The following LIMCH1 variants were observed in gnomAD, a reference collection of about 807,000 sequenced individuals.
LIMCH1 encodes LIM and calponin homology domains-containing protein 1.
In LIMCH1, 113 loss-of-function variants were observed where a neutral mutation model predicts 176.5. That is an observed-to-expected ratio of 0.64 (90% CI 0.55 to 0.75). The LOEUF (loss-of-function observed/expected upper bound fraction) is 0.75. Among genes scored for constraint, LIMCH1 ranks in the 30% least tolerant of loss-of-function variants. The pLI, the probability that LIMCH1 is intolerant of heterozygous loss-of-function variation, is 0.00. For synonymous variants in LIMCH1, 619 were observed against 645.9 expected (o/e 0.96, Z 0.63); for missense variants, 1,674 against 1,814.9 (o/e 0.92, Z 1.41).
intron 1 of LIMCH1, among the ~76,000 whole-genome samples, chr4:41,558,714 G>A (rs545816005): frequency 4.6e-5 from 7 of 152,252 alleles, no homozygotes; most frequent in African/African-American, 1.7e-4. Flanking sequence ...TATGAAAGAT[G>A]CATTTGTGTA....
At chr4:41,500,303 A>G (rs1334202968) in intron 2 of LIMCH1, among the ~76,000 whole-genome samples, 2 of 152,210 alleles carry the variant, frequency 1.3e-5, no homozygotes, top group African/African-American at 4.8e-5. Context: ...CACAATGGTG[A>G]CTTTCTAATT....
At chr4:41,407,331 C>A (rs567792496) in intron 1 of LIMCH1, among the ~76,000 whole-genome samples, 2 of 152,118 alleles carry the variant, frequency 1.3e-5, no homozygotes, top group Admixed American at 6.5e-5. Context: ...TGGGCTCAAG[C>A]GATCCTCCCA....
intron 13 of LIMCH1, 119 bp downstream of exon 13, chr4:41,633,927 T>G: frequency 1.7e-6 from 2 of 1,170,730 alleles, no homozygotes; most frequent in Non-Finnish European, 2.3e-6. Context: ...AGAAACAGAA[T>G]GATCAAAATT....
At chr4:41,437,864 T>A (rs2062255449) in intron 1 of LIMCH1, among the ~76,000 whole-genome samples, 1 of 152,252 alleles carries the variant, frequency 6.6e-6, no homozygotes, top group Admixed American at 6.5e-5. Context: ...TTAGCTGTTG[T>A]TGGATGCAGT....
intron 5 of LIMCH1, 47 bp from the exon 6 acceptor site, chr4:41,619,141 T>G: frequency 6.2e-7 from 1 of 1,606,348 alleles, no homozygotes; most frequent in Non-Finnish European, 8.5e-7. Context: ...TTGGGAACTT[T>G]CTGCTAGCCT....
At chr4:41,683,913 T>A (rs955091135) in intron 26 of LIMCH1, among the ~76,000 whole-genome samples, 3 of 152,214 alleles carry the variant, frequency 2.0e-5, no homozygotes, top group Non-Finnish European at 4.4e-5. Flanking sequence ...TTTGCATTTT[T>A]GCAATTTCTC....
At chr4:41,616,752 A>G (rs758189594) in intron 5 of LIMCH1, among the ~76,000 whole-genome samples, 1 of 151,964 alleles carries the variant, frequency 6.6e-6, no homozygotes, top group Non-Finnish European at 1.5e-5. Flanking sequence ...ATGTCATCTC[A>G]TTTAATTCTT....
chr4:41,443,818 G>A (rs755527889), intron 1 of LIMCH1, among the ~76,000 whole-genome samples: 6 of 152,206 alleles, frequency 3.9e-5, no homozygotes, highest in Non-Finnish European at 5.9e-5. Context: ...TGAAGGATGT[G>A]AGGGAGTTTG....
chr4:41,653,503 T>G (rs1302774502), intron 18 of LIMCH1, among the ~76,000 whole-genome samples: 1 of 152,238 alleles, frequency 6.6e-6, no homozygotes, highest in African/African-American at 2.4e-5. Context: ...ATTAGTGTTC[T>G]TCTTTTTAAA....
intron 14 of LIMCH1, among the ~76,000 whole-genome samples, chr4:41,642,858 C>T (rs1304525784): frequency 4.0e-5 from 6 of 151,564 alleles, no homozygotes; most frequent in South Asian, 2.1e-4. Context: ...GGATTACAGG[C>T]GTGAGCCACC....
chr4:41,609,708 T>A (rs2091194988), intron 4 of LIMCH1: 1 of 453,810 alleles, frequency 2.2e-6, no homozygotes, highest in Admixed American at 2.4e-5. Flanking sequence ...CACCCCTTCA[T>A]TAACATACTT....
In LIMCH1 at chr4:41,672,297, G is replaced by A. The variant is rs148730783; in HGVS notation, c.3438+703G>A. ...AGGCAGGAGAATTGCTTCAACCCAA[G>A]AGGAAGAGGTTGCAGTGAGCCAAGA... On this transcript the variant is annotated intron_variant, in intron 22 of 31. Coordinates refer to ENST00000503057, the MANE Select transcript of LIMCH1 (RefSeq NM_001330672.2). 5.1e-3 allele frequency among the ~76,000 whole-genome samples: 783 copies of A among 152,156 alleles called. 14 individuals carry two copies. Among genetic ancestry groups the A allele is most frequent in the African/African-American group, 0.018 (758 of 41,506 alleles).
At chr4:41,528,042 T>C (rs1049547449) in intron 3 of LIMCH1, among the ~76,000 whole-genome samples, 7 of 152,184 alleles carry the variant, frequency 4.6e-5, no homozygotes, top group Non-Finnish European at 7.3e-5. Flanking sequence ...ATTTCCTGTA[T>C]GCGATAGCTA....
At chr4:41,546,473 G>A (rs1253749280) in intron 1 of LIMCH1, among the ~76,000 whole-genome samples, 2 of 151,752 alleles carry the variant, frequency 1.3e-5, no homozygotes, top group African/African-American at 4.8e-5. Flanking sequence ...TAATCCTTGG[G>A]CAGCTGTTTA....
At chr4:41,658,130 C>T (rs1246293517) in intron 18 of LIMCH1, among the ~76,000 whole-genome samples, 1 of 152,126 alleles carries the variant, frequency 6.6e-6, no homozygotes, top group Non-Finnish European at 1.5e-5. Context: ...CAGTATGACC[C>T]TCGGTAAGTC....
chr4:41,418,128 A>T (rs1377054020), intron 1 of LIMCH1, among the ~76,000 whole-genome samples: 1 of 152,160 alleles, frequency 6.6e-6, no homozygotes, highest in East Asian at 1.9e-4. Context: ...TTTGACTTTC[A>T]TTTATCATAT....
At chr4:41,589,842 T>C (rs57304616) in intron 1 of LIMCH1, among the ~76,000 whole-genome samples, 5,573 of 152,156 alleles carry the variant, frequency 0.037, 330 homozygotes, top group African/African-American at 0.13. Flanking sequence ...CAAACCCAAA[T>C]ATAAGTCCCT....
At chr4:41,386,503 C>G (rs1474249664) in intron 1 of LIMCH1, among the ~76,000 whole-genome samples, 2 of 152,158 alleles carry the variant, frequency 1.3e-5, no homozygotes, top group Admixed American at 6.5e-5. Context: ...ATTATTAGCT[C>G]TAATTATTGA....
intron 1 of LIMCH1, among the ~76,000 whole-genome samples, chr4:41,371,575 GCCAGGCACCGTTAGTTCT>G (rs1224797316): frequency 6.6e-6 from 1 of 152,126 alleles, no homozygotes; most frequent in Admixed American, 6.5e-5. Flanking sequence ...GTGCCTCCCT[GCCAGGCACCGTTAGTTCT>G]TTGCGTATGG....
Sources: allele counts gnomAD v4.1 joint callset (sites outside exome capture counted in the v4.1 genomes callset), GRCh38; gene constraint gnomAD v4.1.1; transcripts MANE v1.5; gene names NCBI Gene and HGNC (gene_info 2026-07-23, HGNC 2026-07-21).